FAT4: variants seen among roughly 807,000 people sequenced by gnomAD.
FAT4 encodes the protein protocadherin Fat 4.
A neutral mutation model predicts 303.9 loss-of-function variants in FAT4; 84 were observed. That is an observed-to-expected ratio of 0.28 (90% CI 0.23 to 0.33). FAT4 has a LOEUF of 0.33. FAT4 is among the 10% of genes least tolerant of loss of function. The pLI is 1.00. For synonymous variants in FAT4, 2,307 were observed against 2,298.8 expected (o/e 1.00, Z -0.10); for missense variants, 6,005 against 6,146.8 (o/e 0.98, Z 0.77).
intron 2 of FAT4, among the ~76,000 whole-genome samples, chr4:125,395,984 T>C (rs1234101388): frequency 6.6e-6 from 1 of 152,196 alleles, no homozygotes; most frequent in East Asian, 1.9e-4. Flanking sequence ...GAGAGATTGA[T>C]TAATAGTTAG....
Position 125,448,482 on chromosome 4 carries a change from C to T in FAT4, c.7472C>T (p.Thr2491Ile), listed in dbSNP as rs768130725. ...TLPGSFVFAV[T>I]VTDADIGPNS... ...ATAGGTTCCTTTGTCTTTGCGGTTA[C>T]AGTCACAGATGCTGATATTGGACCA... Residue 2491 changes from threonine (T) to isoleucine (I), a missense_variant, in exon 10 of 18, where the codon ACA (threonine) becomes ATA (isoleucine). Transcript: ENST00000394329. 6.2e-7 allele frequency: 1 copy of T among 1,605,178 alleles called. No individual in the cohort carries two copies. Among genetic ancestry groups the T allele is most frequent in the Non-Finnish European group, 8.5e-7 (1 of 1,175,170 alleles).
chr4:125,443,672 A>G (rs916510368), intron 8 of FAT4, among the ~76,000 whole-genome samples: 5 of 152,196 alleles, frequency 3.3e-5, no homozygotes, highest in Non-Finnish European at 4.4e-5. Context: ...TAAGAAATCA[A>G]TAAGCTCCTG....
intron 2 of FAT4, among the ~76,000 whole-genome samples, chr4:125,327,726 A>T (rs1731213325): frequency 1.3e-5 from 2 of 152,118 alleles, no homozygotes; most frequent in African/African-American, 4.8e-5. Context: ...TTACTTTTTT[A>T]TCTTTATTAA....
chr4:125,398,918 A>G lies in FAT4; in HGVS notation c.5307+3A>G. ...TGACAGCCATGGATGCTGATGAGGTAGCTCAAGCATGTCTCTGAATTTGTG... is the reference window on the plus strand; with the variant it reads ...TGACAGCCATGGATGCTGATGAGGTGGCTCAAGCATGTCTCTGAATTTGTG... On this transcript the variant is annotated splice_donor_region_variant and intron_variant, in intron 3 of 17. Coordinates refer to ENST00000394329, the MANE Select transcript of FAT4 (RefSeq NM_001291303.3). The G allele has an allele frequency of 6.2e-7, 1 of 1,612,734 alleles. No homozygotes were observed. Among genetic ancestry groups the G allele is most frequent in the South Asian group, 1.1e-5 (1 of 90,962 alleles).
At chr4:125,400,838 C>A (rs1509298) in intron 3 of FAT4, among the ~76,000 whole-genome samples, 150,410 of 152,148 alleles carry the variant, frequency 0.99, 74,366 homozygotes, top group East Asian at 1. Context: ...GAGACAGAGT[C>A]GGGTATTAGG....
chr4:125,449,796 T>G lies in FAT4; in HGVS notation c.8786T>G (p.Ile2929Ser). 6.2e-7 allele frequency: 1 copy of G among 1,613,744 alleles called. No individual in the cohort carries two copies. The highest frequency in any genetic ancestry group is 8.5e-7 in the Non-Finnish European group (1 of 1,179,900). The part of the protein sequence containing the change: ...YFRINATTGE[I>S]FNKQILKYQN... ...AGGATTAATGCCACCACTGGAGAGA[T>G]TTTCAATAAACAGATCTTAAAATAC... Residue 2929 changes from isoleucine to serine, a missense_variant, in exon 10 of 18, where the codon ATT becomes AGT. Coordinates refer to ENST00000394329, the MANE Select transcript of FAT4 (RefSeq NM_001291303.3).
rs537907177 is a variant in FAT4 at position 125,450,029 on chromosome 4, G to A, written c.9019G>A (p.Val3007Ile). ...TAAGGTTGGTACGAAGTTAATCAGA[G>A]TTACAGCAATAGATGACAAAGATTT... ...NVKVGTKLIRVTAIDDKDFGL... is the reference protein window; with the variant it reads ...NVKVGTKLIRITAIDDKDFGL... Residue 3007 changes from valine (V) to isoleucine (I), a missense_variant, in exon 10 of 18, where the codon GTT (valine) becomes ATT (isoleucine). Val to Ile is a conservative substitution (Grantham distance 29, BLOSUM62 3). Transcript: ENST00000394329. 5 of 1,613,816 alleles carry A rather than the reference G, an allele frequency of 3.1e-6. No homozygotes were observed. Among genetic ancestry groups the A allele is most frequent in the Admixed American group, 1.7e-5 (1 of 59,976 alleles).
intron 7 of FAT4, among the ~76,000 whole-genome samples, chr4:125,418,421 A>G (rs1735158542): frequency 6.6e-6 from 1 of 152,280 alleles, no homozygotes; most frequent in East Asian, 1.9e-4. Flanking sequence ...TCATATTTTT[A>G]TTTACTGACT....
intron 2 of FAT4, among the ~76,000 whole-genome samples, chr4:125,337,543 T>C (rs1161044997): frequency 6.6e-6 from 1 of 151,938 alleles, no homozygotes; most frequent in East Asian, 1.9e-4. Flanking sequence ...AGAAGGAAAA[T>C]ATAGAATATT....
Position 125,476,216 on chromosome 4 carries a change from G to A in FAT4, c.12259G>A (p.Gly4087Arg). Residue 4087 changes from glycine (G) to arginine (R), a missense_variant, in exon 13 of 18, where the codon GGA (glycine) becomes AGA (arginine). Physicochemically the swap from Gly to Arg is moderately radical, Grantham distance 125. Transcript: ENST00000394329. ...CTCCTGTTCTGAGAACCAAGAGCCA[G>A]GATATTGTACTGTCAGTAATGTGGC... is the stretch of plus-strand genomic sequence containing the variant. Reference protein sequence around the residue: ...VDSCSENQEPGYCTVSNVAVS... With the variant: ...VDSCSENQEPRYCTVSNVAVS... 6.2e-7 allele frequency: 1 copy of A among 1,603,580 alleles called. No individual in the cohort carries two copies. The highest frequency in any genetic ancestry group is 8.5e-7 in the Non-Finnish European group (1 of 1,173,032).
Position 125,449,113 on chromosome 4 carries a change from C to A in FAT4, c.8103C>A (p.Pro2701=), listed in dbSNP as rs772795832. The part of the protein sequence containing the change: ...TVSAMDKDSG[P]NGQLDYEIVN... The stretch of plus-strand genomic sequence containing the variant: ...CGGCAATGGACAAGGACAGTGGACC[C>A]AATGGACAGTTAGATTATGAAATTG... Residue 2701 remains proline, a synonymous_variant, in exon 10 of 18, where the codon CCC becomes CCA. Transcript: ENST00000394329. 1 of 1,613,842 alleles carries A rather than the reference C, an allele frequency of 6.2e-7. No individual in the cohort carries two copies. Among genetic ancestry groups the A allele is most frequent in the Non-Finnish European group, 8.5e-7 (1 of 1,179,878 alleles).
chr4:125,386,953 C>T (rs936058836), intron 2 of FAT4, among the ~76,000 whole-genome samples: 1 of 152,144 alleles, frequency 6.6e-6, no homozygotes, highest in Non-Finnish European at 1.5e-5. Context: ...TGTTCCACCT[C>T]AGGCCATCAG....
chr4:125,449,098 C>A lies in FAT4; in HGVS notation c.8088C>A (p.Asp2696Glu), dbSNP rs553898379. Residue 2696 changes from aspartate (D) to glutamate (E), a missense_variant, in exon 10 of 18, where the codon GAC becomes GAA. By Grantham distance (45) the Asp-to-Glu change is conservative. Coordinates refer to ENST00000394329, the MANE Select transcript of FAT4 (RefSeq NM_001291303.3). The part of the protein sequence containing the change: ...PRKILTVSAM[D>E]KDSGPNGQLD... ...AAATACTTACTGTTTCGGCAATGGA[C>A]AAGGACAGTGGACCCAATGGACAGT... 1.2e-6 allele frequency: 2 copies of A among 1,613,750 alleles called. No individual in the cohort carries two copies.
rs778580999 is a variant in FAT4 at position 125,491,259 on chromosome 4, T to C, written c.14443T>C (p.Ser4815Pro). The change falls in exon 18 of 18, where the codon TCT becomes CCT. Residue 4815 changes from serine to proline, a missense_variant. Physicochemically the swap from Ser to Pro is moderately conservative, Grantham distance 74. Coordinates refer to ENST00000394329, the MANE Select transcript of FAT4 (RefSeq NM_001291303.3). ...PSICSADHGR[S>P]SSEEDCRRPL... Reference sequence around the variant, plus strand: ...TATCTGCAGTGCAGACCATGGGAGGTCTTCTTCAGAGGAGGACTGCAGAAG... The same window carrying C: ...TATCTGCAGTGCAGACCATGGGAGGCCTTCTTCAGAGGAGGACTGCAGAAG... The C allele has an allele frequency of 9.9e-6, 16 of 1,613,940 alleles. No individual in the cohort carries two copies. The South Asian group carries it at 1.4e-4, about 14-fold the overall frequency.
chr4:125,475,965 G>A (rs1298326955), intron 12 of FAT4, among the ~76,000 whole-genome samples: 1 of 152,100 alleles, frequency 6.6e-6, no homozygotes, highest in African/African-American at 2.4e-5. Context: ...CATAGGTATA[G>A]ATAGTCATAA....
At chr4:125,395,108 C>A (rs2126009888) in intron 2 of FAT4, among the ~76,000 whole-genome samples, 1 of 152,094 alleles carries the variant, frequency 6.6e-6, no homozygotes, top group Non-Finnish European at 1.5e-5. Flanking sequence ...GAAGAAATGG[C>A]AGGATAACAC....
chr4:125,453,901 T>C (rs1726187521), intron 10 of FAT4, among the ~76,000 whole-genome samples: 1 of 152,178 alleles, frequency 6.6e-6, no homozygotes, highest in Admixed American at 6.5e-5. Flanking sequence ...TATACATAGA[T>C]CTCTACCTAT....
chr4:125,319,609 T>C lies in FAT4; in HGVS notation c.3198T>C (p.Tyr1066=), dbSNP rs1177170381. Residue 1066 remains tyrosine, a synonymous_variant, in exon 2 of 18, where the codon TAT becomes TAC. Coordinates refer to ENST00000394329, the MANE Select transcript of FAT4 (RefSeq NM_001291303.3). ...SELDRELQDR[Y]VLMVVASDRA... ...TGGACCGTGAACTTCAAGACAGATA[T>C]GTTTTAATGGTTGTTGCTTCTGACA... 3 of 1,614,060 alleles carry C rather than the reference T, an allele frequency of 1.9e-6. No homozygotes were observed. Among genetic ancestry groups the C allele is most frequent in the South Asian group, 2.2e-5 (2 of 91,076 alleles).
At chr4:125,425,931 C>G (rs1725071302) in intron 7 of FAT4, among the ~76,000 whole-genome samples, 1 of 151,994 alleles carries the variant, frequency 6.6e-6, no homozygotes, top group South Asian at 2.1e-4. Flanking sequence ...ATTTATCATC[C>G]AACTGAAAGG....
Sources: allele counts gnomAD v4.1 joint callset (sites outside exome capture counted in the v4.1 genomes callset), GRCh38; gene constraint gnomAD v4.1.1; transcripts MANE v1.5; gene names NCBI Gene and HGNC (gene_info 2026-07-23, HGNC 2026-07-21).